Variants in TBC1D5 observed in about 807,000 individuals in gnomAD.
TBC1D5 encodes TBC1 domain family, member 5.
TBC1D5 carries 75 observed loss-of-function variants against 100.3 expected under a neutral mutation model. The observed-to-expected ratio is 0.75, with a 90% CI of 0.62 to 0.91. The LOEUF (loss-of-function observed/expected upper bound fraction) is 0.91, where lower values mean the gene tolerates loss of function less well. TBC1D5 is among the 40% of genes least tolerant of loss of function. The probability of loss-of-function intolerance (pLI) is 0.00; values close to 1 mark genes in which losing one functional copy is unlikely to be tolerated. For synonymous variants in TBC1D5, 323 were observed against 325.6 expected, an observed-to-expected ratio of 0.99 and a Z score of 0.09; for missense variants, 910 against 942.4, an observed-to-expected ratio of 0.97 and a Z score of 0.45.
chr3:17,396,699 C>T (rs2093515437), intron 8 of TBC1D5, among the ~76,000 whole-genome samples: 1 of 151,882 alleles, frequency 6.6e-6, no homozygotes, highest in Non-Finnish European at 1.5e-5. Flanking sequence ...AACATAATAA[C>T]TACATTTGAC....
intron 14 of TBC1D5, among the ~76,000 whole-genome samples, chr3:17,302,552 G>C (rs543891813): frequency 1.3e-5 from 2 of 152,296 alleles, no homozygotes; most frequent in African/African-American, 4.8e-5. Context: ...ACTAGATGCA[G>C]TGAATCTTAT....
intron 1 of TBC1D5, among the ~76,000 whole-genome samples, chr3:17,645,444 G>A (rs989592439): frequency 2.6e-5 from 4 of 152,064 alleles, no homozygotes; most frequent in Non-Finnish European, 5.9e-5. Context: ...GTCAGGAACT[G>A]GTAACTCTAC....
At chr3:17,693,097 C>T (rs2071413899) in intron 1 of TBC1D5, among the ~76,000 whole-genome samples, 1 of 152,220 alleles carries the variant, frequency 6.6e-6, no homozygotes, top group African/African-American at 2.4e-5. Context: ...ACTTCTCAGC[C>T]TTAAAGCCTA....
At chr3:17,571,449 T>C (rs2096626582) in intron 2 of TBC1D5, among the ~76,000 whole-genome samples, 1 of 152,032 alleles carries the variant, frequency 6.6e-6, no homozygotes, top group Admixed American at 6.6e-5. Context: ...ACCCTTAAGT[T>C]CTCGTATTCC....
chr3:17,168,865 C>T (rs552355909), intron 19 of TBC1D5, among the ~76,000 whole-genome samples: 5 of 152,082 alleles, frequency 3.3e-5, no homozygotes, highest in South Asian at 2.1e-4. Context: ...CCAGTTGCTA[C>T]GGGACTCCTA....
chr3:17,453,175 G>A lies in TBC1D5; in HGVS notation c.98-24656C>T, dbSNP rs2094969580. Among the ~76,000 whole-genome samples, 4 of 150,846 alleles carry A rather than the reference G, an allele frequency of 2.7e-5. No homozygotes were observed. In the South Asian group the frequency reaches 6.3e-4, roughly 24 times the overall value. On this transcript the variant is annotated intron_variant, in intron 3 of 21. Transcript: ENST00000253692. ...GGATACAGCAAAAGCAGTAGTAAGA[G>A]GGAAATTTATAGCTGTAAGTGCCTA...
chr3:17,321,619 C>A (rs898655831), intron 13 of TBC1D5, among the ~76,000 whole-genome samples: 4 of 152,086 alleles, frequency 2.6e-5, no homozygotes, highest in African/African-American at 9.7e-5. Flanking sequence ...TTAGTCAAAA[C>A]CAATAGGTTC....
At chr3:17,501,847 T>C (rs1200369877) in intron 3 of TBC1D5, among the ~76,000 whole-genome samples, 1 of 149,528 alleles carries the variant, frequency 6.7e-6, no homozygotes, top group East Asian at 1.9e-4. Context: ...CCATTTCAAC[T>C]TGTCTCCAAG....
intron 1 of TBC1D5, among the ~76,000 whole-genome samples, chr3:17,682,789 G>A (rs1257414709): frequency 6.6e-6 from 1 of 151,448 alleles, no homozygotes; most frequent in Non-Finnish European, 1.5e-5. Flanking sequence ...AGGATTTTAT[G>A]TTGTAACATT....
intron 1 of TBC1D5, among the ~76,000 whole-genome samples, chr3:17,634,323 A>C (rs967954792): frequency 1.3e-5 from 2 of 152,198 alleles, no homozygotes; most frequent in Non-Finnish European, 2.9e-5. Flanking sequence ...GAAGTAACCT[A>C]AGTTTCCATC....
At chr3:17,634,787 C>T (rs1426691377) in intron 1 of TBC1D5, among the ~76,000 whole-genome samples, 3 of 152,134 alleles carry the variant, frequency 2.0e-5, no homozygotes, top group Admixed American at 6.5e-5. Context: ...ACCCAATTTC[C>T]GTGATGTGAT....
At chr3:17,261,437 A>G (rs1464954469) in intron 15 of TBC1D5, among the ~76,000 whole-genome samples, 1 of 118,610 alleles carries the variant, frequency 8.4e-6, no homozygotes, top group Non-Finnish European at 1.6e-5. Flanking sequence ...TGCAATCGAA[A>G]TATTTTAGAA....
At chr3:17,611,075 G>A (rs1489694658) in intron 2 of TBC1D5, among the ~76,000 whole-genome samples, 1 of 152,082 alleles carries the variant, frequency 6.6e-6, no homozygotes, top group Non-Finnish European at 1.5e-5. Flanking sequence ...AACAGAACTT[G>A]ATAATGAAGT....
chr3:17,470,649 C>T (rs1010270765), intron 3 of TBC1D5, among the ~76,000 whole-genome samples: 2 of 151,944 alleles, frequency 1.3e-5, no homozygotes, highest in Admixed American at 6.6e-5. Flanking sequence ...TGGATGGGCA[C>T]GGTGGCTCAC....
At chr3:17,328,543 C>T (rs528569348) in intron 13 of TBC1D5, among the ~76,000 whole-genome samples, 1 of 152,186 alleles carries the variant, frequency 6.6e-6, no homozygotes, top group Non-Finnish European at 1.5e-5. Context: ...AGAACTGGGA[C>T]TCACTTCTAA....
rs778872443 is a variant in TBC1D5, at chr3:17,258,496, G to C, written c.1331+10C>G. ...TGATTTATAACTATCATCAGAAAAA[G>C]GGGACTTACCGGCTTTTATTCATGA... On this transcript the variant is annotated intron_variant, in intron 16 of 21. Coordinates refer to ENST00000253692, the Ensembl canonical transcript of TBC1D5. The C allele has an allele frequency of 2.5e-6, 4 of 1,606,304 alleles. No homozygotes were observed. Among genetic ancestry groups the C allele is most frequent in the African/African-American group, 1.3e-5 (1 of 74,546 alleles).
chr3:17,325,522 C>T (rs752375369), intron 13 of TBC1D5, among the ~76,000 whole-genome samples: 2 of 152,090 alleles, frequency 1.3e-5, no homozygotes, highest in Non-Finnish European at 2.9e-5. Flanking sequence ...CAGGGTTTCA[C>T]CATGTTGGCC....
At chr3:17,570,664 A>G (rs1175625079) in intron 2 of TBC1D5, among the ~76,000 whole-genome samples, 5 of 151,934 alleles carry the variant, frequency 3.3e-5, no homozygotes, top group Admixed American at 3.3e-4. Context: ...CCTTTTCAGT[A>G]TTTTATTATA....
intron 8 of TBC1D5, among the ~76,000 whole-genome samples, chr3:17,401,357 T>G (rs1421136439): frequency 1.7e-5 from 2 of 117,394 alleles, no homozygotes; most frequent in Non-Finnish European, 3.4e-5. Context: ...TACATATATA[T>G]GTATGTGTAT....
Sources: allele counts gnomAD v4.1 joint callset (sites outside exome capture counted in the v4.1 genomes callset), GRCh38; gene constraint gnomAD v4.1.1; transcripts MANE v1.5; gene names NCBI Gene and HGNC (gene_info 2026-07-23, HGNC 2026-07-21).